The following SERINC2 variants were observed in gnomAD, a reference collection of about 807,000 sequenced individuals.
The protein encoded by SERINC2 is tumor differentially expressed protein 2.
SERINC2 carries 56 observed loss-of-function variants against 54.2 expected under a neutral mutation model. That is an observed-to-expected ratio of 1.03 (90% CI 0.83 to 1.29). The LOEUF (loss-of-function observed/expected upper bound fraction) is 1.29. Ranked by LOEUF, SERINC2 falls within the 50% of genes most tolerant of loss-of-function variation. The pLI, the probability that SERINC2 is intolerant of heterozygous loss-of-function variation, is 0.00. For missense variants in SERINC2, 614 were observed against 607.4 expected, an observed-to-expected ratio of 1.01 and a Z score of -0.12; for synonymous variants, 272 against 253.1, an observed-to-expected ratio of 1.07 and a Z score of -0.71.
At chr1:31,423,493 C>A (rs1055154771) in intron 1 of SERINC2, among the ~76,000 whole-genome samples, 200 bp from the exon 2 acceptor site, 3 of 152,192 alleles carry the variant, frequency 2.0e-5, no homozygotes, top group Non-Finnish European at 4.4e-5. Context: ...AGGTTTGAAT[C>A]TGGGTTCTGT....
chr1:31,433,121 T>C lies in SERINC2; in HGVS notation c.1168T>C (p.Phe390Leu). 1 of 1,613,620 alleles carries C rather than the reference T, an allele frequency of 6.2e-7. No individual in the cohort carries two copies. Among genetic ancestry groups the C allele is most frequent in the Non-Finnish European group, 8.5e-7 (1 of 1,179,960 alleles). ...GGACGGCGTCACCTACAGCTACTCC[T>C]TCTTCCACTTCTGCCTGGTGCTGGC... ...EQDGVTYSYS[F>L]FHFCLVLASL... Residue 390 changes from phenylalanine to leucine, a missense_variant, in exon 9 of 10, where the codon TTC becomes CTC. By Grantham distance (22) the Phe-to-Leu change is conservative (BLOSUM62 0). Coordinates refer to ENST00000373709, the MANE Select transcript of SERINC2 (RefSeq NM_178865.5).
At chr1:31,416,968 C>T (rs1460822954) in intron 1 of SERINC2, among the ~76,000 whole-genome samples, 1 of 152,230 alleles carries the variant, frequency 6.6e-6, no homozygotes, top group Non-Finnish European at 1.5e-5. Context: ...TATCCACTGG[C>T]CTCGGCCTCC....
intron 8 of SERINC2, among the ~76,000 whole-genome samples, chr1:31,432,201 GAGAGTGGAC>G (rs1297683644): frequency 9.2e-6 from 1 of 108,966 alleles, no homozygotes; most frequent in Non-Finnish European, 2.0e-5. Flanking sequence ...TTAGAGTGGA[GAGAGTGGAC>G]AGGGTGGAGA....
intron 8 of SERINC2, 36 bp from the exon 9 acceptor site, chr1:31,432,931 G>A (rs1553134962): frequency 1.3e-6 from 2 of 1,520,048 alleles, no homozygotes; most frequent in South Asian, 1.2e-5. Flanking sequence ...CAACGCCAGA[G>A]CTATCTATTT....
In SERINC2 at chr1:31,424,704, G is replaced by A; in HGVS notation, c.223G>A (p.Gly75Arg). 1.2e-6 allele frequency: 2 copies of A among 1,602,784 alleles called. No homozygotes were observed. The highest frequency in any genetic ancestry group is 1.7e-4 in the Middle Eastern group (1 of 6,040). ...ACAGCTGCCCTGGGTGTGTGAGGAG[G>A]GGGCCGGGATCCCCACCGTCCTGCA... ...LYKLPWVCEE[G>R]AGIPTVLQGH... The change falls in exon 3 of 10, where the codon GGG (glycine) becomes AGG (arginine). Residue 75 changes from glycine (G) to arginine (R), a missense_variant. Gly to Arg is a moderately radical substitution (Grantham distance 125). Coordinates refer to ENST00000373709, the MANE Select transcript of SERINC2 (RefSeq NM_178865.5).
At chr1:31,423,339 A>G (rs1405532135) in intron 1 of SERINC2, among the ~76,000 whole-genome samples, 1 of 152,098 alleles carries the variant, frequency 6.6e-6, no homozygotes, top group Non-Finnish European at 1.5e-5. Flanking sequence ...AGGTTGAGTG[A>G]GTTGTATAAG....
upstream of SERINC2, chr1:31,410,300 G>T (rs997679480): frequency 1.7e-5 from 26 of 1,527,200 alleles, no homozygotes; most frequent in African/African-American, 3.2e-4. Context: ...ACCAAGAAAT[G>T]AAGCTCTTTA....
intron 8 of SERINC2, among the ~76,000 whole-genome samples, chr1:31,432,156 C>CAGGGTGGATAGGGTGGAT (rs1184328936): frequency 4.4e-4 from 2 of 4,554 alleles, no homozygotes; most frequent in African/African-American, 1.8e-3. Flanking sequence ...ACAGGGTGGA[C>CAGGGTGGATAGGGTGGAT]AGGGTGGATA....
chr1:31,424,835 G>A lies in SERINC2; in HGVS notation c.354G>A (p.Val118=). 1 of 1,611,136 alleles carries A rather than the reference G, an allele frequency of 6.2e-7. No individual in the cohort carries two copies. Among genetic ancestry groups the A allele is most frequent in the Non-Finnish European group, 8.5e-7 (1 of 1,179,320 alleles). The change falls in exon 3 of 10, where the codon GTG becomes GTA. Residue 118 remains valine, a synonymous_variant. Coordinates refer to ENST00000373709, the MANE Select transcript of SERINC2 (RefSeq NM_178865.5). ...TTTTCACCCTGCTCATGCTCTGCGT[G>A]AGCAGCAGCCGGGACCCCCGGGCTG... The part of the protein sequence containing the change: ...FFFFTLLMLC[V]SSSRDPRAAI...
intron 2 of SERINC2, among the ~76,000 whole-genome samples, chr1:31,424,321 G>T (rs1355018736): frequency 3.3e-5 from 5 of 152,184 alleles, no homozygotes; most frequent in Non-Finnish European, 7.4e-5. Context: ...CATGGGAGAG[G>T]GGCCACAGAA....
chr1:31,424,903 G>A, intron 3 of SERINC2, 30 bp downstream of exon 3: 7 of 1,581,072 alleles, frequency 4.4e-6, no homozygotes, highest in Non-Finnish European at 6.0e-6. Context: ...CTGCACCCTG[G>A]GACCTTCCCC....
chr1:31,424,875 T>G lies in SERINC2; in HGVS notation c.392+2T>G, dbSNP rs782386273. On this transcript the variant is annotated splice_donor_variant, in intron 3 of 9. Transcript: ENST00000373709. LOFTEE classifies it high-confidence loss of function. ...CCCCCGGGCTGCCATCCAGAATGGGTGAGAGAGGGGTCCCTGCCTGCACCC... is the reference window on the plus strand; with the variant it reads ...CCCCCGGGCTGCCATCCAGAATGGGGGAGAGAGGGGTCCCTGCCTGCACCC... The G allele has an allele frequency of 6.2e-7, 1 of 1,609,030 alleles. No individual in the cohort carries two copies. Among genetic ancestry groups the G allele is most frequent in the East Asian group, 2.2e-5 (1 of 44,780 alleles).
chr1:31,422,578 G>C (rs1553132874), intron 1 of SERINC2, among the ~76,000 whole-genome samples: 2 of 152,244 alleles, frequency 1.3e-5, no homozygotes, highest in African/African-American at 4.8e-5. Flanking sequence ...CCTTCTTAGC[G>C]CTTGTCACGA....
In SERINC2 at chr1:31,426,761, A is replaced by T; in HGVS notation, c.718A>T (p.Ile240Phe). The change falls in exon 6 of 10, where the codon ATC becomes TTC. Residue 240 changes from isoleucine (I) to phenylalanine (F), a missense_variant. Coordinates refer to ENST00000373709, the MANE Select transcript of SERINC2 (RefSeq NM_178865.5). ...PSGCHEGKVF[I>F]SLNLTFCVCV... Reference sequence around the variant, plus strand: ...CGGCTGCCACGAGGGCAAGGTCTTCATCAGCCTCAACCTCACCTTCTGTGT... The same window carrying T: ...CGGCTGCCACGAGGGCAAGGTCTTCTTCAGCCTCAACCTCACCTTCTGTGT... 1 of 1,614,162 alleles carries T rather than the reference A, an allele frequency of 6.2e-7. No homozygotes were observed. The highest frequency in any genetic ancestry group is 1.3e-5 in the African/African-American group (1 of 75,052).
At chr1:31,414,419 G>GT in intron 1 of SERINC2, 1 of 1,146,294 alleles carries the variant, frequency 8.7e-7, no homozygotes, top group Non-Finnish European at 1.1e-6. Flanking sequence ...GTCCCTGACG[G>GT]GTTGTGTGTG....
Position 31,434,275 on chromosome 1 carries a change from C to T in SERINC2, c.*76C>T. 2.7e-6 allele frequency: 4 copies of T among 1,458,620 alleles called. No individual in the cohort carries two copies. In the South Asian group the frequency reaches 3.7e-5, roughly 14 times the overall value. The allele number at this position is 1,458,620 out of a possible 1,614,324, so 90.4% of individuals were successfully genotyped here. A position where few individuals can be genotyped will look rare whatever the true frequency, so the allele number is the denominator to read the frequency against. On this transcript the variant is annotated 3_prime_UTR_variant, in exon 10 of 10. Transcript: ENST00000373709. ...GGCTCAGTGACAGCCAACCTGCCCC[C>T]TCCCCACACCAATCAGCCAGGCTGA...
intron 4 of SERINC2, among the ~76,000 whole-genome samples, 174 bp downstream of exon 4, chr1:31,425,583 T>G (rs1641018732): frequency 6.6e-6 from 1 of 152,214 alleles, no homozygotes; most frequent in African/African-American, 2.4e-5. Flanking sequence ...ACGGCCTTTG[T>G]GCAACCCAGG....
intron 1 of SERINC2, 48 bp from the exon 2 acceptor site, chr1:31,423,645 G>C: frequency 6.3e-7 from 1 of 1,584,150 alleles, no homozygotes; most frequent in Non-Finnish European, 8.5e-7. Context: ...AGAGGTGCGC[G>C]CTTGGGCGGT....
chr1:31,434,645 A>C lies in SERINC2; in HGVS notation c.*446A>C. ...CTTCGTGCCTTACTGAGTCTCTAAG[A>C]CTTTTTCTAATAAACAAGCCAGTGC... On this transcript the variant is annotated 3_prime_UTR_variant, in exon 10 of 10. Coordinates refer to ENST00000373709, the MANE Select transcript of SERINC2 (RefSeq NM_178865.5). 1 of 185,780 alleles carries C rather than the reference A, an allele frequency of 5.4e-6. No individual in the cohort carries two copies. The highest frequency in any genetic ancestry group is 1.1e-5 in the Non-Finnish European group (1 of 88,034). The allele number at this position is 185,780 out of a possible 1,614,324, so 11.5% of individuals were successfully genotyped here. A position where few individuals can be genotyped will look rare whatever the true frequency, so the allele number is the denominator to read the frequency against.
Sources: allele counts gnomAD v4.1 joint callset (sites outside exome capture counted in the v4.1 genomes callset), GRCh38; gene constraint gnomAD v4.1.1; transcripts MANE v1.5; gene names NCBI Gene and HGNC (gene_info 2026-07-23, HGNC 2026-07-21).